The following LYRM4 variants were observed in gnomAD, a reference collection of about 807,000 sequenced individuals.
LYRM4 encodes LYR motif-containing protein 4.
LYRM4 carries 9 observed loss-of-function variants against 11.7 expected under a neutral mutation model. The observed-to-expected ratio is 0.77, with a 90% confidence interval of 0.46 to 1.34. LYRM4 has a LOEUF of 1.34. Among genes scored for constraint, LYRM4 ranks in the 40% most tolerant of loss-of-function variants. The probability of loss-of-function intolerance (pLI) is 0.00; values close to 1 mark genes in which losing one functional copy is unlikely to be tolerated. For missense variants in LYRM4, 133 were observed against 112.5 expected, an observed-to-expected ratio of 1.18 and a Z score of -0.82; for synonymous variants, 42 against 40.4, an observed-to-expected ratio of 1.04 and a Z score of -0.15.
At chr6:5,135,976 G>A (rs1757072406) in intron 2 of LYRM4, among the ~76,000 whole-genome samples, 2 of 152,098 alleles carry the variant, frequency 1.3e-5, no homozygotes, top group Non-Finnish European at 2.9e-5. Context: ...GGGGACTCTA[G>A]GGACCGCCGT....
intron 2 of LYRM4, chr6:5,136,393 C>G (rs1448937307): frequency 7.1e-6 from 7 of 985,340 alleles, no homozygotes; most frequent in South Asian, 4.7e-5. Context: ...CGGGAAGACA[C>G]GATAATGTAG....
chr6:5,073,645 C>T, the LYRM4 span, among the ~76,000 whole-genome samples: 1 of 150,848 alleles, frequency 6.6e-6, no homozygotes, highest in Non-Finnish European at 1.5e-5. Context: ...ATTATGCCAA[C>T]AAGCACAGAA....
the LYRM4 span, among the ~76,000 whole-genome samples, chr6:5,050,222 T>G: frequency 6.6e-6 from 1 of 152,246 alleles, no homozygotes; most frequent in Non-Finnish European, 1.5e-5. Context: ...TGGTTGATTT[T>G]GGCTAATTTT....
chr6:5,142,398 GC>G (rs899267878), intron 2 of LYRM4, among the ~76,000 whole-genome samples: 13 of 152,168 alleles, frequency 8.5e-5, no homozygotes, highest in Admixed American at 3.9e-4. Context: ...GATGATTCCT[GC>G]CCCCAGCTTT....
the LYRM4 span, among the ~76,000 whole-genome samples, chr6:5,081,493 C>T: frequency 6.6e-6 from 1 of 152,184 alleles, no homozygotes; most frequent in Non-Finnish European, 1.5e-5. Flanking sequence ...CCCTCCAACC[C>T]TTCTGGCTGT....
At chr6:5,118,096 T>TATATATTTTTTTTTTTTTTTG (rs1554126841) in intron 2 of LYRM4, among the ~76,000 whole-genome samples, 1 of 78,708 alleles carries the variant, frequency 1.3e-5, no homozygotes, top group East Asian at 3.5e-4. Context: ...ATATATATAT[T>TATATATTTTTTTTTTTTTTTG]TTTGTTTTGT....
At chr6:5,187,309 A>G (rs772229663) in intron 2 of LYRM4, among the ~76,000 whole-genome samples, 2 of 152,116 alleles carry the variant, frequency 1.3e-5, no homozygotes, top group Non-Finnish European at 2.9e-5. Context: ...CAGCCCTCCT[A>G]CCTCAAGGCC....
At chr6:5,066,488 G>T in the LYRM4 span, 19 of 767,848 alleles carry the variant, frequency 2.5e-5, no homozygotes, top group Non-Finnish European at 3.6e-5. Context: ...AAGCCATAGC[G>T]GGTGGTTTTA....
At chr6:5,243,288 C>T (rs766340) in intron 1 of LYRM4, among the ~76,000 whole-genome samples, 43,611 of 152,084 alleles carry the variant, frequency 0.29, 7,887 homozygotes, top group African/African-American at 0.51. Context: ...GCACAGCGTG[C>T]GGGGTTCTAA....
intron 2 of LYRM4, among the ~76,000 whole-genome samples, chr6:5,199,418 G>A (rs1449234925): frequency 2.6e-5 from 4 of 152,122 alleles, no homozygotes; most frequent in African/African-American, 7.2e-5. Flanking sequence ...TTCTTTCTGC[G>A]GTGATGAAAA....
chr6:5,143,208 C>A lies in LYRM4; in HGVS notation c.208-33717G>T, dbSNP rs1446223570. 9.2e-5 allele frequency among the ~76,000 whole-genome samples: 4 copies of A among 43,306 alleles called. No individual in the cohort carries two copies. In the East Asian group the frequency reaches 4.0e-3, roughly 43 times the overall value. 28.4% of individuals were successfully genotyped at this position (43,306 alleles called of 152,430 possible). On this transcript the variant is annotated intron_variant, in intron 2 of 2. Transcript: ENST00000330636. ...GGCCAAGCCTGCACCACAAGCGGATCTTCTGTGTGAGTCAGCACACCACTG... is the reference window on the plus strand; with the variant it reads ...GGCCAAGCCTGCACCACAAGCGGATATTCTGTGTGAGTCAGCACACCACTG...
chr6:5,098,067 T>A, the LYRM4 span, among the ~76,000 whole-genome samples: 1 of 152,226 alleles, frequency 6.6e-6, no homozygotes, highest in South Asian at 2.1e-4. Context: ...GGCAGAGTCC[T>A]CCTGCCTTGG....
intron 2 of LYRM4, among the ~76,000 whole-genome samples, chr6:5,118,094 A>ATATATTTTTTTTTTTT: frequency 1.2e-5 from 1 of 86,114 alleles, no homozygotes; most frequent in Non-Finnish European, 2.4e-5. Flanking sequence ...ATATATATAT[A>ATATATTTTTTTTTTTT]TTTTTGTTTT....
At chr6:5,226,006 A>G (rs2127736184) in intron 1 of LYRM4, among the ~76,000 whole-genome samples, 1 of 152,112 alleles carries the variant, frequency 6.6e-6, no homozygotes, top group South Asian at 2.1e-4. Context: ...TTCTTAATCG[A>G]GTGGTCTTTT....
the LYRM4 span, chr6:5,031,811 C>T: frequency 2.6e-5 from 4 of 152,050 alleles, no homozygotes; most frequent in Non-Finnish European, 5.9e-5. Context: ...TTCTTGTTTC[C>T]TGTTATTTAC....
chr6:5,133,631 A>G (rs1764057065), intron 2 of LYRM4, among the ~76,000 whole-genome samples: 1 of 152,226 alleles, frequency 6.6e-6, no homozygotes, highest in African/African-American at 2.4e-5. Flanking sequence ...ATAACATAAA[A>G]TCATTTAAAC....
At chr6:5,080,495 C>T in the LYRM4 span, among the ~76,000 whole-genome samples, 3 of 152,254 alleles carry the variant, frequency 2.0e-5, no homozygotes, top group South Asian at 6.2e-4. Context: ...GCTGTAAGGC[C>T]TGGTTTTGTT....
At chr6:5,134,013 G>C (rs144215535) in intron 2 of LYRM4, among the ~76,000 whole-genome samples, 208 of 152,344 alleles carry the variant, frequency 1.4e-3, no homozygotes, top group African/African-American at 4.8e-3. Context: ...TCAGCTGAAG[G>C]ATATTTGGGT....
intron 2 of LYRM4, among the ~76,000 whole-genome samples, chr6:5,169,034 T>C (rs573939386): frequency 1.3e-3 from 201 of 152,290 alleles, no homozygotes; most frequent in African/African-American, 4.8e-3. Context: ...TCTTGAAAAT[T>C]TGCAATGTAA....
Sources: allele counts gnomAD v4.1 joint callset (sites outside exome capture counted in the v4.1 genomes callset), GRCh38; gene constraint gnomAD v4.1.1; transcripts MANE v1.5; gene names NCBI Gene and HGNC (gene_info 2026-07-23, HGNC 2026-07-21).